KALRN: variants seen among roughly 807,000 people sequenced by gnomAD.
KALRN encodes the protein kalirin RhoGEF kinase, also known as kalirin.
Under a neutral mutation model 353.7 loss-of-function variants are expected in KALRN, and 70 were observed. The ratio of observed to expected loss-of-function variants is 0.20; its 90% CI spans 0.16 to 0.24. The LOEUF is 0.24. Ranked by LOEUF, KALRN falls within the 10% of genes least tolerant of loss-of-function variation. KALRN has a pLI of 1.00. For missense variants in KALRN, 2,791 were observed against 3,756.7 expected (o/e 0.74, Z 6.72); for synonymous variants, 1,391 against 1,434.8 (o/e 0.97, Z 0.69).
intron 34 of KALRN, among the ~76,000 whole-genome samples, chr3:124,587,231 A>C (rs1441785267): frequency 6.6e-6 from 1 of 152,154 alleles, no homozygotes; most frequent in Non-Finnish European, 1.5e-5. Context: ...CCTTGTAGAT[A>C]AAGGCGGCCG....
intron 1 of KALRN, among the ~76,000 whole-genome samples, chr3:124,217,346 G>A (rs2077429486): frequency 6.6e-6 from 1 of 152,112 alleles, no homozygotes; most frequent in African/African-American, 2.4e-5. Flanking sequence ...AAAACTCCAG[G>A]AATCTTTCCA....
chr3:124,261,096 G>C (rs1476046446), intron 3 of KALRN, among the ~76,000 whole-genome samples: 1 of 151,198 alleles, frequency 6.6e-6, no homozygotes, highest in Non-Finnish European at 1.5e-5. Context: ...CACCACGCCG[G>C]CCAGGCTGGT....
Position 124,721,330 on chromosome 3 carries a change from A to G in KALRN, c.*1860A>G, listed in dbSNP as rs1459234284. ...GGATTAACCAAATATATGGAAACCG[A>G]CTCCGACTGTATTTGTTTCTTAATT... On this transcript the variant is annotated 3_prime_UTR_variant, in exon 60 of 60. Transcript: ENST00000682506. The G allele has an allele frequency of 1.3e-5, 2 of 152,076 alleles. No individual in the cohort carries two copies. Among genetic ancestry groups the G allele is most frequent in the African/African-American group, 4.8e-5 (2 of 41,408 alleles). The allele number at this position is 152,076 out of a possible 1,614,324, so 9.4% of individuals were successfully genotyped here. A position where few individuals can be genotyped will look rare whatever the true frequency, so the allele number is the denominator to read the frequency against.
chr3:124,347,009 C>A, intron 9 of KALRN, 134 bp from the exon 10 acceptor site: 3 of 1,313,848 alleles, frequency 2.3e-6, no homozygotes, highest in Admixed American at 1.8e-5. Context: ...GCAGATTGAC[C>A]ATTTCCACCT....
At chr3:124,361,719 C>T (rs2084052397) in intron 10 of KALRN, among the ~76,000 whole-genome samples, 1 of 151,560 alleles carries the variant, frequency 6.6e-6, no homozygotes, top group African/African-American at 2.4e-5. Flanking sequence ...TCCAGTTCCT[C>T]ATTGTAGGTG....
intron 33 of KALRN, among the ~76,000 whole-genome samples, chr3:124,520,849 G>T (rs915203855): frequency 2.0e-5 from 3 of 152,196 alleles, no homozygotes; most frequent in Non-Finnish European, 4.4e-5. Flanking sequence ...ATCCTGAGAG[G>T]CAGGTAGTAC....
At chr3:124,295,659 A>G (rs1361191187) in intron 5 of KALRN, among the ~76,000 whole-genome samples, 1 of 152,132 alleles carries the variant, frequency 6.6e-6, no homozygotes, top group Non-Finnish European at 1.5e-5. Flanking sequence ...CATCCAAGAA[A>G]GTGTATGGAG....
intron 1 of KALRN, among the ~76,000 whole-genome samples, chr3:124,037,476 A>C (rs2039537736): frequency 6.6e-6 from 1 of 152,186 alleles, no homozygotes; most frequent in Non-Finnish European, 1.5e-5. Context: ...TCTTGAAAGC[A>C]CAAGAGTGGA....
intron 15 of KALRN, 61 bp from the exon 16 acceptor site, chr3:124,430,595 G>A: frequency 6.3e-7 from 1 of 1,591,134 alleles, no homozygotes; most frequent in Non-Finnish European, 8.6e-7. Context: ...ATGAGAGGAG[G>A]CAACAGCTCT....
At chr3:124,568,059 C>A (rs1021854856) in intron 34 of KALRN, among the ~76,000 whole-genome samples, 1 of 152,052 alleles carries the variant, frequency 6.6e-6, no homozygotes, top group Non-Finnish European at 1.5e-5. Flanking sequence ...GGACTCAGCA[C>A]CCCCAGGGTG....
At chr3:124,362,443 G>C in intron 10 of KALRN, among the ~76,000 whole-genome samples, 1 of 152,208 alleles carries the variant, frequency 6.6e-6, no homozygotes, top group East Asian at 1.9e-4. Flanking sequence ...AGATACCAGG[G>C]GACATCCAAG....
intron 3 of KALRN, among the ~76,000 whole-genome samples, chr3:124,251,379 C>CTTTT (rs200446664): frequency 8.3e-6 from 1 of 120,538 alleles, no homozygotes; most frequent in Non-Finnish European, 1.7e-5. Context: ...TTCTTTTTTT[C>CTTTT]TTTTTTTTTG....
chr3:124,411,630 G>A (rs1224548067), intron 13 of KALRN, among the ~76,000 whole-genome samples: 2 of 151,756 alleles, frequency 1.3e-5, no homozygotes, highest in Non-Finnish European at 2.9e-5. Context: ...TTGCTTTGGA[G>A]AGACAGGTTC....
intron 1 of KALRN, among the ~76,000 whole-genome samples, chr3:124,034,694 C>T (rs1420486685): frequency 2.6e-5 from 4 of 152,104 alleles, no homozygotes; most frequent in Non-Finnish European, 4.4e-5. Context: ...CCCTGTTTCT[C>T]TGATGGCCAG....
intron 24 of KALRN, among the ~76,000 whole-genome samples, chr3:124,462,277 A>C (rs1462477587): frequency 2.0e-5 from 3 of 152,234 alleles, no homozygotes; most frequent in Non-Finnish European, 4.4e-5. Flanking sequence ...CCTGACCCCC[A>C]TAAAAGTCCA....
chr3:124,170,866 T>C (rs948601600), intron 1 of KALRN, among the ~76,000 whole-genome samples: 22 of 116,250 alleles, frequency 1.9e-4, no homozygotes, highest in African/African-American at 6.7e-4. Context: ...TTTTTTTTTT[T>C]TTTTGAGACA....
rs1420497675 is a variant in KALRN, at chr3:124,725,771, T to G, written c.*6301T>G. 6.6e-6 allele frequency: 1 copy of G among 152,244 alleles called. No homozygotes were observed. The highest frequency in any genetic ancestry group is 1.5e-5 in the Non-Finnish European group (1 of 68,048). 9.4% of individuals were successfully genotyped at this position (152,244 alleles called of 1,614,324 possible). A position where few individuals can be genotyped will look rare whatever the true frequency, so the allele number is the denominator to read the frequency against. On this transcript the variant is annotated 3_prime_UTR_variant, in exon 60 of 60. Coordinates refer to ENST00000682506, the MANE Select transcript of KALRN (RefSeq NM_001388419.1). ...TCTTTACATTTGAACTATTAATAGT[T>G]GATTTGCAAACTGTATTGGCATCTC...
At chr3:124,173,827 G>C (rs1277357249) in intron 1 of KALRN, among the ~76,000 whole-genome samples, 1 of 152,036 alleles carries the variant, frequency 6.6e-6, no homozygotes, top group Non-Finnish European at 1.5e-5. Context: ...TGTTGGCCGG[G>C]ATGGTCTCGA....
chr3:124,638,925 A>G (rs1266177440), intron 37 of KALRN, among the ~76,000 whole-genome samples: 2 of 152,240 alleles, frequency 1.3e-5, no homozygotes, highest in Non-Finnish European at 2.9e-5. Flanking sequence ...GTTTGGGGGT[A>G]CACGAGCAAA....
Sources: gnomAD v4.1 joint callset for allele counts (sites outside exome capture counted in the v4.1 genomes callset) on GRCh38, gnomAD v4.1.1 for gene constraint, MANE v1.5 for transcripts, NCBI Gene and HGNC (gene_info 2026-07-23, HGNC 2026-07-21) for gene names.